The following TRPC4 variants were observed in gnomAD, a reference collection of about 807,000 sequenced individuals.
TRPC4 encodes the protein transient receptor potential cation channel subfamily C member 4, also known as short transient receptor potential channel 4.
Under a neutral mutation model 99.4 loss-of-function variants are expected in TRPC4, and 49 were observed. That is an observed-to-expected ratio of 0.49 (90% CI 0.39 to 0.63). TRPC4 has a LOEUF of 0.63. Ranked by LOEUF, TRPC4 falls within the 20% of genes least tolerant of loss-of-function variation. The pLI, the probability that TRPC4 is intolerant of heterozygous loss-of-function variation, is 0.00. For synonymous variants in TRPC4, 454 were observed against 425.9 expected (o/e 1.07, Z -0.81); for missense variants, 898 against 1,152.9 (o/e 0.78, Z 3.20).
At chr13:37,684,729 A>G (rs767692956) in intron 4 of TRPC4, among the ~76,000 whole-genome samples, 5 of 151,874 alleles carry the variant, frequency 3.3e-5, no homozygotes, top group Non-Finnish European at 5.9e-5. Context: ...AAACTTCTGA[A>G]CATTTTAAAA....
intron 2 of TRPC4, among the ~76,000 whole-genome samples, chr13:37,763,973 T>C (rs950138531): frequency 2.0e-5 from 3 of 151,702 alleles, no homozygotes; most frequent in African/African-American, 7.2e-5. Context: ...GCCAGTGTAA[T>C]TCTAGCATTG....
intron 1 of TRPC4, among the ~76,000 whole-genome samples, chr13:37,815,964 A>G (rs555063426): frequency 4.6e-5 from 7 of 152,020 alleles, no homozygotes; most frequent in African/African-American, 1.7e-4. Context: ...TAATAAAATC[A>G]TACAATTACA....
At chr13:37,702,866 A>C in intron 3 of TRPC4, among the ~76,000 whole-genome samples, 1 of 152,216 alleles carries the variant, frequency 6.6e-6, no homozygotes, top group East Asian at 1.9e-4. Flanking sequence ...GAAGACTTGC[A>C]TATTTTAGCT....
chr13:37,711,284 T>A (rs1213637768), intron 3 of TRPC4, among the ~76,000 whole-genome samples: 2 of 152,014 alleles, frequency 1.3e-5, no homozygotes. Context: ...AAATAGATGA[T>A]CATAGAAATG....
intron 6 of TRPC4, among the ~76,000 whole-genome samples, chr13:37,660,706 T>C (rs1287293916): frequency 6.6e-6 from 1 of 152,202 alleles, no homozygotes; most frequent in Non-Finnish European, 1.5e-5. Context: ...TGAACTGTGT[T>C]AGGTACTTTA....
At chr13:37,658,668 T>C (rs193020342) in intron 6 of TRPC4, among the ~76,000 whole-genome samples, 2 of 152,296 alleles carry the variant, frequency 1.3e-5, no homozygotes, top group African/African-American at 2.4e-5. Flanking sequence ...CCTCTCTTCA[T>C]AAGAAAGTAC....
At chr13:37,732,252 A>G (rs1357007266) in intron 3 of TRPC4, among the ~76,000 whole-genome samples, 2 of 152,178 alleles carry the variant, frequency 1.3e-5, no homozygotes, top group African/African-American at 4.8e-5. Context: ...GAACCAGTCT[A>G]ACCTGATAAA....
At chr13:37,710,912 G>A (rs1270562538) in intron 3 of TRPC4, among the ~76,000 whole-genome samples, 1 of 151,802 alleles carries the variant, frequency 6.6e-6, no homozygotes, top group Non-Finnish European at 1.5e-5. Flanking sequence ...AGCTTCTGGG[G>A]CCTATATGAT....
At chr13:37,709,019 G>T (rs951432721) in intron 3 of TRPC4, among the ~76,000 whole-genome samples, 1 of 151,624 alleles carries the variant, frequency 6.6e-6, no homozygotes, top group African/African-American at 2.4e-5. Flanking sequence ...CAATTTATAG[G>T]TCTTCCCAGA....
intron 1 of TRPC4, among the ~76,000 whole-genome samples, chr13:37,846,237 AT>A (rs1958895042): frequency 6.6e-6 from 1 of 152,198 alleles, no homozygotes; most frequent in South Asian, 2.1e-4. Flanking sequence ...ACATTTTAAA[AT>A]TAAAAATAAA....
chr13:37,833,109 GC>G (rs1958467531), intron 1 of TRPC4, among the ~76,000 whole-genome samples: 1 of 151,734 alleles, frequency 6.6e-6, no homozygotes. Flanking sequence ...TTGATTTGGT[GC>G]TTTTGCTTCA....
rs150705161 is a variant in TRPC4 at position 37,658,903 on chromosome 13, GCCT to G, written c.1689-3623_1689-3621del. ...TCAGTCAGGGAGAAGACCAGAAAAGGCCTCCTGCAAAAGGTATATCTGAGGTAG... is the reference window on the plus strand; with the variant it reads ...TCAGTCAGGGAGAAGACCAGAAAAGGCCTGCAAAAGGTATATCTGAGGTAG... On this transcript the variant is annotated intron_variant, in intron 6 of 10. Transcript: ENST00000379705. 8.6e-3 allele frequency among the ~76,000 whole-genome samples: 1,307 copies of G among 152,164 alleles called. 18 individuals are homozygous for G. Among genetic ancestry groups the G allele is most frequent in the African/African-American group, 0.03 (1,247 of 41,512 alleles).
intron 3 of TRPC4, among the ~76,000 whole-genome samples, chr13:37,700,577 C>T (rs918727527): frequency 2.6e-5 from 4 of 152,112 alleles, no homozygotes; most frequent in Non-Finnish European, 5.9e-5. Flanking sequence ...GATATAAGCG[C>T]ACTTTGCTTT....
intron 1 of TRPC4, among the ~76,000 whole-genome samples, chr13:37,806,653 A>T (rs1193450673): frequency 6.6e-6 from 1 of 152,060 alleles, no homozygotes; most frequent in Non-Finnish European, 1.5e-5. Context: ...CCTTATTAAG[A>T]CCTCAAGTTG....
At position 37,651,650 on chromosome 13, in the gene TRPC4, A is replaced by G. The variant is rs533669242; in HGVS notation, c.1885-191T>C. Among the ~76,000 whole-genome samples the G allele has an allele frequency of 1.2e-4, 19 of 152,340 alleles. No homozygotes were observed. The South Asian group carries it at 3.9e-3, about 32-fold the overall frequency. On this transcript the variant is annotated intron_variant, in intron 7 of 10. Coordinates refer to ENST00000379705, the MANE Select transcript of TRPC4 (RefSeq NM_016179.4). The stretch of plus-strand genomic sequence containing the variant: ...GGGTGGCTTAACCTAGGGTAGTCAC[A>G]GCTCTCGTGTCACTTCTCATCCTTC...
intron 8 of TRPC4, among the ~76,000 whole-genome samples, chr13:37,645,587 T>G (rs182078843): frequency 6.6e-6 from 1 of 152,344 alleles, no homozygotes. Context: ...GCCATGCAGC[T>G]TGCTGTGTTC....
chr13:37,759,029 T>C (rs1185135840), intron 2 of TRPC4, among the ~76,000 whole-genome samples: 5 of 151,536 alleles, frequency 3.3e-5, no homozygotes. Flanking sequence ...GGAATATATA[T>C]CCAAGAATGG....
At chr13:37,797,052 C>A (rs1351650269) in intron 1 of TRPC4, among the ~76,000 whole-genome samples, 5 of 146,766 alleles carry the variant, frequency 3.4e-5, no homozygotes, top group Admixed American at 1.3e-4. Context: ...TGGTGGCTCA[C>A]GCTTGTAATC....
intron 4 of TRPC4, among the ~76,000 whole-genome samples, chr13:37,680,171 T>C (rs945926309): frequency 1.1e-4 from 17 of 152,198 alleles, no homozygotes; most frequent in African/African-American, 3.6e-4. Context: ...AATGAGGACT[T>C]TGGGAAGGAG....
Sources: gnomAD v4.1 joint callset for allele counts (sites outside exome capture counted in the v4.1 genomes callset) on GRCh38, gnomAD v4.1.1 for gene constraint, MANE v1.5 for transcripts, NCBI Gene and HGNC (gene_info 2026-07-23, HGNC 2026-07-21) for gene names.